The following MYO10 variants were observed in gnomAD, a reference collection of about 807,000 sequenced individuals.
MYO10 encodes the protein unconventional myosin-X.
MYO10 carries 133 observed loss-of-function variants against 257.3 expected under a neutral mutation model. That is an observed-to-expected ratio of 0.52 (90% confidence interval 0.45 to 0.60). The LOEUF is 0.60. Among genes scored for constraint, MYO10 ranks in the 20% least tolerant of loss-of-function variants. The probability of loss-of-function intolerance (pLI) is 0.00; values close to 1 mark genes in which losing one functional copy is unlikely to be tolerated. For synonymous variants in MYO10, 1,104 were observed against 1,028.6 expected (o/e 1.07, Z -1.40); for missense variants, 2,399 against 2,635.7 (o/e 0.91, Z 1.97).
chr5:16,666,644 G>C lies in MYO10; in HGVS notation c.*48C>G, dbSNP rs748270618. 6.7e-7 allele frequency: 1 copy of C among 1,491,274 alleles called. No individual in the cohort carries two copies. Among genetic ancestry groups the C allele is most frequent in the Non-Finnish European group, 9.1e-7 (1 of 1,100,698 alleles). 92.4% of individuals were successfully genotyped at this position (1,491,274 alleles called of 1,614,324 possible). On this transcript the variant is annotated 3_prime_UTR_variant, in exon 41 of 41. Coordinates refer to ENST00000513610, the MANE Select transcript of MYO10 (RefSeq NM_012334.3). ...GGCACACTGGAGCCAGCCTAGGCCAGAGGGTGGTGCGTTCAGGTAGCAAAG... is the reference window on the plus strand; with the variant it reads ...GGCACACTGGAGCCAGCCTAGGCCACAGGGTGGTGCGTTCAGGTAGCAAAG...
At position 16,670,799 on chromosome 5, in the gene MYO10, G is replaced by A. The variant is rs1038099355; in HGVS notation, c.5610C>T (p.Thr1870=). Residue 1870 remains threonine, a synonymous_variant, in exon 39 of 41, where the codon ACC becomes ACT. Transcript: ENST00000513610. ...LKARISQSTK[T]FTPCERLEKR... is the part of the protein sequence containing the mutation. Reference sequence around the variant, plus strand: ...TCTCCAGCCGTTCACAAGGGGTGAAGGTTTTGGTTGACTGGCTGATGCGGG... The same window carrying A: ...TCTCCAGCCGTTCACAAGGGGTGAAAGTTTTGGTTGACTGGCTGATGCGGG... 1.2e-6 allele frequency: 2 copies of A among 1,613,928 alleles called. No homozygotes were observed. The highest frequency in any genetic ancestry group is 1.7e-6 in the Non-Finnish European group (2 of 1,179,912).
In MYO10 at chr5:16,701,554, G is replaced by A. The variant is rs775378841; in HGVS notation, c.2841C>T (p.Phe947=). 4.9e-5 allele frequency: 79 copies of A among 1,613,852 alleles called. 1 individual carries two copies. In the South Asian group the frequency reaches 6.0e-4, roughly 12 times the overall value. ...TCCGGACACACTCGTCGATCTCGTC[G>A]AAATTGAGGGACTCGAGGAACTCCT... ...AAQEFLESLN[F]DEIDECVRNI... Residue 947 remains phenylalanine, a synonymous_variant, in exon 25 of 41, where the codon TTC becomes TTT. Coordinates refer to ENST00000513610, the MANE Select transcript of MYO10 (RefSeq NM_012334.3). The surrounding 1 kb of genome is among the most constrained non-coding windows in gnomAD (Gnocchi z 8.1).
chr5:16,701,971 T>C lies in MYO10; in HGVS notation c.2557-133A>G, dbSNP rs1738102812. ...TCCCCATAAAGTCTATAGGTTGAAG[T>C]CCTAACCCCAATACTGCAGAATGTG... On this transcript the variant is annotated intron_variant, in intron 24 of 40. Transcript: ENST00000513610. The surrounding 1 kb of genome is among the most constrained non-coding windows in gnomAD (Gnocchi z 8.1). The C allele has an allele frequency of 2.9e-6, 3 of 1,032,002 alleles. No homozygotes were observed. The highest frequency in any genetic ancestry group is 4.1e-6 in the Non-Finnish European group (3 of 729,348). The allele number at this position is 1,032,002 out of a possible 1,614,324, so 63.9% of individuals were successfully genotyped here.
intron 1 of MYO10, among the ~76,000 whole-genome samples, chr5:16,890,251 T>C (rs537246430): frequency 1.3e-5 from 2 of 151,932 alleles, no homozygotes; most frequent in Admixed American, 1.3e-4. Context: ...GGCAAGAATG[T>C]GGAGAAACTA....
At chr5:16,719,701 C>A (rs182378277) in intron 19 of MYO10, among the ~76,000 whole-genome samples, 3 of 152,170 alleles carry the variant, frequency 2.0e-5, no homozygotes, top group Non-Finnish European at 4.4e-5. Context: ...CGGTGGCTCA[C>A]GCCTATAATC....
chr5:16,835,238 A>T (rs2126721498), intron 2 of MYO10, among the ~76,000 whole-genome samples: 1 of 152,198 alleles, frequency 6.6e-6, no homozygotes, highest in South Asian at 2.1e-4. Context: ...AATCCAGTAA[A>T]CAAAAACAGA....
At chr5:16,917,230 G>C (rs1225103051) in intron 1 of MYO10, among the ~76,000 whole-genome samples, 1 of 152,104 alleles carries the variant, frequency 6.6e-6, no homozygotes, top group African/African-American at 2.4e-5. Flanking sequence ...ACCCCGAAGA[G>C]TACACTATGG....
At chr5:16,806,948 T>C (rs1353360875) in intron 3 of MYO10, among the ~76,000 whole-genome samples, 1 of 152,226 alleles carries the variant, frequency 6.6e-6, no homozygotes, top group Non-Finnish European at 1.5e-5. Flanking sequence ...ATCATCGCTA[T>C]TGTTAATGAA....
rs17583307 is a variant in MYO10, at chr5:16,744,191, A to C, written c.1929+10637T>G. Among the ~76,000 whole-genome samples the C allele has an allele frequency of 1.3e-3, 198 of 152,372 alleles. 5 individuals are homozygous for C. In the East Asian group the frequency reaches 0.031, roughly 24 times the overall value. On this transcript the variant is annotated intron_variant, in intron 19 of 40. Coordinates refer to ENST00000513610, the MANE Select transcript of MYO10 (RefSeq NM_012334.3). ...TGTGACTCAGCTTAAATTTGGGATTAAATTTGTTAGGACAAAATAAGTGGT... is the reference window on the plus strand; with the variant it reads ...TGTGACTCAGCTTAAATTTGGGATTCAATTTGTTAGGACAAAATAAGTGGT...
At chr5:16,899,481 C>T (rs1345328822) in intron 1 of MYO10, among the ~76,000 whole-genome samples, 3 of 150,864 alleles carry the variant, frequency 2.0e-5, no homozygotes, top group Non-Finnish European at 4.4e-5. Flanking sequence ...ACTAAACATA[C>T]AAAAAATTAG....
intron 1 of MYO10, among the ~76,000 whole-genome samples, chr5:16,887,675 G>A (rs1211506296): frequency 6.6e-6 from 1 of 152,080 alleles, no homozygotes; most frequent in African/African-American, 2.4e-5. Context: ...ATTTTTAGTA[G>A]AGACTGGGTT....
intron 2 of MYO10, among the ~76,000 whole-genome samples, chr5:16,871,510 G>C (rs570354977): frequency 1.3e-5 from 2 of 152,250 alleles, no homozygotes; most frequent in East Asian, 3.9e-4. Flanking sequence ...GGGAAGCTGA[G>C]GTGGGAGGAT....
At chr5:16,769,449 C>T (rs2126657502) in intron 9 of MYO10, among the ~76,000 whole-genome samples, 1 of 152,276 alleles carries the variant, frequency 6.6e-6, no homozygotes, top group East Asian at 1.9e-4. Context: ...ATTCTCGTGC[C>T]TCAGCCTCCC....
In MYO10 at chr5:16,931,040, G is replaced by A. The variant is rs546150545; in HGVS notation, c.21+4748C>T. On this transcript the variant is annotated intron_variant, in intron 1 of 40. Transcript: ENST00000513610. ...TAATCCCAGCACTTTGGGAAGCCAAGGCAGGCGGATCACCTGAGGTCGGGA... is the reference window on the plus strand; with the variant it reads ...TAATCCCAGCACTTTGGGAAGCCAAAGCAGGCGGATCACCTGAGGTCGGGA... Among the ~76,000 whole-genome samples the A allele has an allele frequency of 1.6e-4, 24 of 152,336 alleles. No individual in the cohort carries two copies. The South Asian group carries it at 4.8e-3, about 30-fold the overall frequency.
At chr5:16,677,433 T>TTTTTTTTTTTTTTTG (rs1363770924) in intron 33 of MYO10, among the ~76,000 whole-genome samples, 13 of 145,324 alleles carry the variant, frequency 8.9e-5, no homozygotes, top group African/African-American at 3.0e-4. Context: ...TTTTTTTTTT[T>TTTTTTTTTTTTTTTG]GAGACGGAGT....
chr5:16,884,413 C>CACAGAG (rs1489242788), intron 1 of MYO10, among the ~76,000 whole-genome samples: 1 of 152,138 alleles, frequency 6.6e-6, no homozygotes, highest in Non-Finnish European at 1.5e-5. Context: ...AATAAAAAGA[C>CACAGAG]ACAGAGGTCA....
intron 39 of MYO10, among the ~76,000 whole-genome samples, chr5:16,669,767 T>G (rs528082632): frequency 6.6e-6 from 1 of 152,320 alleles, no homozygotes; most frequent in East Asian, 1.9e-4. Flanking sequence ...AGATATACGC[T>G]GAATTACTGT....
intron 27 of MYO10, among the ~76,000 whole-genome samples, chr5:16,691,485 G>C (rs1737501346): frequency 6.6e-6 from 1 of 151,942 alleles, no homozygotes; most frequent in African/African-American, 2.4e-5. Flanking sequence ...GATCACTTCA[G>C]GTCAGGAGTT....
At chr5:16,847,912 G>T (rs952959974) in intron 2 of MYO10, among the ~76,000 whole-genome samples, 1 of 152,094 alleles carries the variant, frequency 6.6e-6, no homozygotes, top group Non-Finnish European at 1.5e-5. Flanking sequence ...AAATAATAAA[G>T]TTACTTTAAA....
Sources: gnomAD v4.1 joint callset for allele counts (sites outside exome capture counted in the v4.1 genomes callset) on GRCh38, gnomAD v4.1.1 for gene constraint, Gnocchi (gnomAD v3.1) non-coding constraint, MANE v1.5 for transcripts, NCBI Gene and HGNC (gene_info 2026-07-23, HGNC 2026-07-21) for gene names.